STXBP5L: variants seen among roughly 807,000 people sequenced by gnomAD.
The protein encoded by STXBP5L is syntaxin-binding protein 5-like.
A neutral mutation model predicts 144.5 loss-of-function variants in STXBP5L; 65 were observed. The observed-to-expected ratio is 0.45, with a 90% CI of 0.37 to 0.55. The LOEUF (loss-of-function observed/expected upper bound fraction) is 0.55. STXBP5L is among the 20% of genes least tolerant of loss of function. The pLI is 0.00. For synonymous variants in STXBP5L, 505 were observed against 469.6 expected, an observed-to-expected ratio of 1.08 and a Z score of -0.97; for missense variants, 1,298 against 1,405.5, an observed-to-expected ratio of 0.92 and a Z score of 1.22.
chr3:120,941,554 A>G (rs1418743529), intron 2 of STXBP5L, among the ~76,000 whole-genome samples: 1 of 151,804 alleles, frequency 6.6e-6, no homozygotes, highest in Non-Finnish European at 1.5e-5. Flanking sequence ...AGCTCTGAAT[A>G]CAGAGATAAT....
intron 19 of STXBP5L, among the ~76,000 whole-genome samples, chr3:121,302,256 C>T (rs2051946379): frequency 6.6e-6 from 1 of 152,130 alleles, no homozygotes; most frequent in African/African-American, 2.4e-5. Flanking sequence ...TCAACTTCTT[C>T]CTGGTTTAGT....
intron 4 of STXBP5L, among the ~76,000 whole-genome samples, chr3:121,042,458 T>C (rs534834308): frequency 2.0e-5 from 3 of 152,308 alleles, no homozygotes; most frequent in African/African-American, 4.8e-5. Flanking sequence ...GCTTCTTTTA[T>C]ATTAAGTGAG....
chr3:121,413,446 G>T (rs1222703756), intron 24 of STXBP5L, 123 bp downstream of exon 24: 2 of 831,272 alleles, frequency 2.4e-6, no homozygotes, highest in East Asian at 6.1e-5. Flanking sequence ...AACATGTTTT[G>T]AATATATATT....
intron 22 of STXBP5L, among the ~76,000 whole-genome samples, chr3:121,405,396 A>C (rs1161490897): frequency 1.3e-5 from 2 of 152,144 alleles, no homozygotes; most frequent in Non-Finnish European, 2.9e-5. Flanking sequence ...CCTAGAAAGT[A>C]AGTTTTATGA....
chr3:121,404,782 T>A (rs1354180560), intron 22 of STXBP5L, among the ~76,000 whole-genome samples: 1 of 152,184 alleles, frequency 6.6e-6, no homozygotes, highest in Non-Finnish European at 1.5e-5. Flanking sequence ...TATTTTGTGC[T>A]GGTTTCCTGA....
intron 20 of STXBP5L, among the ~76,000 whole-genome samples, chr3:121,323,283 G>C (rs1045786310): frequency 6.6e-6 from 1 of 152,136 alleles, no homozygotes; most frequent in African/African-American, 2.4e-5. Flanking sequence ...GTTCACAATG[G>C]TGTTTCCTAG....
chr3:120,991,361 G>A (rs1942849762), intron 3 of STXBP5L, among the ~76,000 whole-genome samples: 1 of 151,542 alleles, frequency 6.6e-6, no homozygotes, highest in Admixed American at 6.6e-5. Context: ...GGAGAAATAG[G>A]AACACTTTTA....
intron 19 of STXBP5L, among the ~76,000 whole-genome samples, chr3:121,284,735 G>C (rs564632912): frequency 1.3e-5 from 2 of 152,140 alleles, no homozygotes; most frequent in African/African-American, 4.8e-5. Context: ...TTTTGCAAAA[G>C]TAATCATAGT....
intron 5 of STXBP5L, among the ~76,000 whole-genome samples, chr3:121,060,177 A>G (rs1171903930): frequency 6.6e-6 from 1 of 152,174 alleles, no homozygotes; most frequent in Admixed American, 6.6e-5. Context: ...TGTTTTTAGC[A>G]TGAAATGGTG....
chr3:121,064,994 TA>T (rs1345288057), intron 5 of STXBP5L, among the ~76,000 whole-genome samples: 2 of 152,218 alleles, frequency 1.3e-5, no homozygotes, highest in East Asian at 3.9e-4. Flanking sequence ...GAACATATAG[TA>T]TTGTTTTCTG....
chr3:120,973,669 A>G (rs1940553846), intron 3 of STXBP5L, among the ~76,000 whole-genome samples: 1 of 151,394 alleles, frequency 6.6e-6, no homozygotes, highest in African/African-American at 2.4e-5. Context: ...CATTAGGTAA[A>G]TCTCCTAATG....
At chr3:121,264,090 C>T (rs1418065130) in intron 18 of STXBP5L, among the ~76,000 whole-genome samples, 1 of 152,120 alleles carries the variant, frequency 6.6e-6, no homozygotes, top group East Asian at 1.9e-4. Context: ...AAGGGAAAGC[C>T]CATCAGACTA....
chr3:121,422,210 ATCTT>A lies in STXBP5L; in HGVS notation c.*3118_*3121del, dbSNP rs2047366138. ...TCCTTTGCATAGTCTCATCTTTACT[ATCTT>A]TCTTCTATTTCGGAACATAAGAAAA... is the stretch of plus-strand genomic sequence containing the variant. On this transcript the variant is annotated 3_prime_UTR_variant, in exon 27 of 27. Coordinates refer to ENST00000471454, the MANE Select transcript of STXBP5L (RefSeq NM_001308330.2). The A allele has an allele frequency of 6.6e-6, 1 of 152,168 alleles. No homozygotes were observed. The highest frequency in any genetic ancestry group is 1.5e-5 in the Non-Finnish European group (1 of 68,022). 9.4% of individuals were successfully genotyped at this position (152,168 alleles called of 1,614,324 possible). A position where few individuals can be genotyped will look rare whatever the true frequency, so the allele number is the denominator to read the frequency against.
intron 2 of STXBP5L, among the ~76,000 whole-genome samples, chr3:120,944,320 A>T (rs1710732273): frequency 6.6e-6 from 1 of 151,702 alleles, no homozygotes; most frequent in South Asian, 2.1e-4. Context: ...GGGAGAGGGA[A>T]GGAGACATAT....
At chr3:121,004,137 G>A (rs946664252) in intron 3 of STXBP5L, among the ~76,000 whole-genome samples, 1 of 152,078 alleles carries the variant, frequency 6.6e-6, no homozygotes, top group African/African-American at 2.4e-5. Context: ...AAATTACCTT[G>A]GGCAGTATGG....
chr3:121,276,183 T>TTTGC (rs141690318), intron 18 of STXBP5L, among the ~76,000 whole-genome samples: 1 of 9,984 alleles, frequency 1.0e-4, no homozygotes, highest in Admixed American at 1.1e-3. Context: ...CTTTTAGTTT[T>TTTGC]TTGTTCTCAG....
At chr3:121,276,086 CT>C (rs1328359850) in intron 18 of STXBP5L, among the ~76,000 whole-genome samples, 1 of 145,544 alleles carries the variant, frequency 6.9e-6, no homozygotes, top group East Asian at 2.0e-4. Context: ...TTTTTTTCTT[CT>C]TTTTCTCTGC....
chr3:120,977,189 T>C (rs1941149957), intron 3 of STXBP5L, among the ~76,000 whole-genome samples: 1 of 152,202 alleles, frequency 6.6e-6, no homozygotes, highest in Non-Finnish European at 1.5e-5. Flanking sequence ...TAAGTCTCTT[T>C]GTAGGTCAGT....
intron 5 of STXBP5L, among the ~76,000 whole-genome samples, chr3:121,061,461 G>A (rs370812096): frequency 6.6e-6 from 1 of 152,194 alleles, no homozygotes; most frequent in Non-Finnish European, 1.5e-5. Flanking sequence ...GATTTGGGGT[G>A]GAGAGTTCTG....
Sources: allele counts gnomAD v4.1 joint callset (sites outside exome capture counted in the v4.1 genomes callset), GRCh38; gene constraint gnomAD v4.1.1; transcripts MANE v1.5; gene names NCBI Gene and HGNC (gene_info 2026-07-23, HGNC 2026-07-21).